The following PTPRN2 variants were observed in gnomAD, a reference collection of about 807,000 sequenced individuals.
The protein encoded by PTPRN2 is receptor-type tyrosine-protein phosphatase N2.
PTPRN2 carries 74 observed loss-of-function variants against 118.8 expected under a neutral mutation model. The ratio of observed to expected loss-of-function variants is 0.62; its 90% CI spans 0.52 to 0.76. PTPRN2 has a LOEUF of 0.76. Ranked by LOEUF, PTPRN2 falls within the 30% of genes least tolerant of loss-of-function variation. The probability of loss-of-function intolerance (pLI) is 0.00; values close to 1 mark genes in which losing one functional copy is unlikely to be tolerated. For synonymous variants in PTPRN2, 641 were observed against 608.0 expected, an observed-to-expected ratio of 1.05 and a Z score of -0.80; for missense variants, 1,481 against 1,394.4, an observed-to-expected ratio of 1.06 and a Z score of -0.99.
chr7:158,586,087 G>C (rs1333372491), intron 1 of PTPRN2, among the ~76,000 whole-genome samples: 10 of 152,272 alleles, frequency 6.6e-5, no homozygotes. Flanking sequence ...ACAGTGACTG[G>C]GCTACATCCC....
At chr7:157,549,379 A>G (rs184863232) in intron 21 of PTPRN2, among the ~76,000 whole-genome samples, 1 of 150,288 alleles carries the variant, frequency 6.7e-6, no homozygotes, top group East Asian at 2.0e-4. Flanking sequence ...GGAGCCATAT[A>G]CGAACTTTAA....
At position 157,784,110 on chromosome 7, in the gene PTPRN2, GT is replaced by G. The variant is rs1803861616; in HGVS notation, c.1789-101174del. On this transcript the variant is annotated intron_variant, in intron 12 of 22. Coordinates refer to ENST00000389418, the MANE Select transcript of PTPRN2 (RefSeq NM_002847.5). This position sits in a 1 kb window ranked among gnomAD's most constrained non-coding sequence, Gnocchi z 4.6. ...AAGGAAGCTGGGATGGGTGTGTTTA[GT>G]TCTGCTTCCAGGGACTATTCCTAAA... Among the ~76,000 whole-genome samples, 1 of 152,192 alleles carries G rather than the reference GT, an allele frequency of 6.6e-6. No individual in the cohort carries two copies. Among genetic ancestry groups the G allele is most frequent in the African/African-American group, 2.4e-5 (1 of 41,456 alleles).
chr7:158,380,299 C>A (rs1810871179), intron 2 of PTPRN2, among the ~76,000 whole-genome samples: 1 of 152,172 alleles, frequency 6.6e-6, no homozygotes, highest in Non-Finnish European at 1.5e-5. Flanking sequence ...CCTGTAAAAT[C>A]AAAAACAAGT....
intron 9 of PTPRN2, among the ~76,000 whole-genome samples, chr7:158,130,701 A>ACCAC (rs1554549570): frequency 6.8e-6 from 1 of 148,096 alleles, no homozygotes; most frequent in Non-Finnish European, 1.5e-5. Flanking sequence ...ACATCTACCC[A>ACCAC]ACACACACTC....
intron 12 of PTPRN2, chr7:157,854,811 G>A (rs550116873): frequency 6.3e-6 from 1 of 158,450 alleles, no homozygotes; most frequent in Non-Finnish European, 1.4e-5. Flanking sequence ...GAACAGACAG[G>A]ACGTTTCACA....
chr7:158,137,137 G>A (rs7804879), intron 7 of PTPRN2, among the ~76,000 whole-genome samples: 13,275 of 152,210 alleles, frequency 0.087, 757 homozygotes, highest in Non-Finnish European at 0.12. Context: ...TAGGTACCCC[G>A]GCTGGGCGCG....
At chr7:157,684,277 T>C (rs991669867) in intron 12 of PTPRN2, among the ~76,000 whole-genome samples, 1 of 150,998 alleles carries the variant, frequency 6.6e-6, no homozygotes, top group Non-Finnish European at 1.5e-5. Context: ...TTTTCCTGCC[T>C]GGATGCGCGG....
intron 2 of PTPRN2, among the ~76,000 whole-genome samples, chr7:158,374,054 C>T (rs1428190610): frequency 2.0e-5 from 3 of 152,242 alleles, no homozygotes; most frequent in Non-Finnish European, 2.9e-5. Flanking sequence ...CCCACGCGCC[C>T]GGCACTGGAG....
At chr7:158,275,019 T>A (rs994213124) in intron 3 of PTPRN2, among the ~76,000 whole-genome samples, 1 of 152,140 alleles carries the variant, frequency 6.6e-6, no homozygotes, top group African/African-American at 2.4e-5. Flanking sequence ...GGGAGCACTT[T>A]CTGATTGTGG....
intron 11 of PTPRN2, among the ~76,000 whole-genome samples, chr7:157,906,866 G>C (rs1797800868): frequency 6.6e-6 from 1 of 152,166 alleles, no homozygotes; most frequent in Non-Finnish European, 1.5e-5. Context: ...AGGGTCTGAA[G>C]CTTCCTGGAG....
At chr7:158,218,580 A>G (rs929737154) in intron 3 of PTPRN2, among the ~76,000 whole-genome samples, 2 of 152,202 alleles carry the variant, frequency 1.3e-5, no homozygotes, top group Admixed American at 6.5e-5. Flanking sequence ...AAATCCTTAC[A>G]TATCAATATT....
rs79122350 is a variant in PTPRN2 at position 158,313,714 on chromosome 7, C to G, written c.277+3105G>C. ...TGTGGACATAGCCTGACACTCGGCA[C>G]AATATTAATTTTCTCTGAGATGGTT... is the stretch of plus-strand genomic sequence containing the variant. On this transcript the variant is annotated intron_variant, in intron 3 of 22. Coordinates refer to ENST00000389418, the MANE Select transcript of PTPRN2 (RefSeq NM_002847.5). Among the ~76,000 whole-genome samples the G allele has an allele frequency of 3.7e-3, 556 of 152,322 alleles. 7 individuals carry two copies. Among genetic ancestry groups the G allele is most frequent in the African/African-American group, 0.013 (529 of 41,568 alleles).
At chr7:158,413,700 T>C (rs1036270007) in intron 2 of PTPRN2, among the ~76,000 whole-genome samples, 1 of 152,146 alleles carries the variant, frequency 6.6e-6, no homozygotes, top group African/African-American at 2.4e-5. Context: ...AGGACCCCAG[T>C]CTCTCAGCCT....
chr7:157,712,599 A>G (rs1323755006), intron 12 of PTPRN2, among the ~76,000 whole-genome samples: 1 of 152,016 alleles, frequency 6.6e-6, no homozygotes, highest in Non-Finnish European at 1.5e-5. Context: ...TAAAATGTAA[A>G]AATTAGCCAG....
intron 2 of PTPRN2, among the ~76,000 whole-genome samples, chr7:158,364,384 T>G (rs1400093469): frequency 6.9e-6 from 1 of 145,386 alleles, no homozygotes; most frequent in African/African-American, 2.6e-5. Flanking sequence ...GCCCCCATCC[T>G]CACTTCACCT....
intron 9 of PTPRN2, among the ~76,000 whole-genome samples, chr7:158,129,770 G>A (rs1406821686): frequency 6.6e-6 from 1 of 152,204 alleles, no homozygotes; most frequent in Non-Finnish European, 1.5e-5. Flanking sequence ...CAGACACGCA[G>A]CCTCAGAACA....
chr7:158,512,380 G>A (rs1052391084), intron 1 of PTPRN2, among the ~76,000 whole-genome samples: 2 of 152,228 alleles, frequency 1.3e-5, no homozygotes, highest in African/African-American at 4.8e-5. Context: ...GAGGTTACAG[G>A]TAAGCAGGAG....
intron 2 of PTPRN2, among the ~76,000 whole-genome samples, chr7:158,330,766 T>C (rs1460436324): frequency 1.6e-4 from 18 of 109,902 alleles, no homozygotes; most frequent in Admixed American, 3.0e-4. Context: ...CCATAAGAGC[T>C]GACACCCGCA....
chr7:158,425,305 A>G (rs112398680), intron 2 of PTPRN2, among the ~76,000 whole-genome samples: 4 of 51,052 alleles, frequency 7.8e-5, no homozygotes, highest in Non-Finnish European at 4.0e-5. Context: ...CACCGCCGGG[A>G]AAGACCCAGA....
Sources: gnomAD v4.1 joint callset for allele counts (sites outside exome capture counted in the v4.1 genomes callset) on GRCh38, gnomAD v4.1.1 for gene constraint, Gnocchi (gnomAD v3.1) non-coding constraint, MANE v1.5 for transcripts, NCBI Gene and HGNC (gene_info 2026-07-23, HGNC 2026-07-21) for gene names.